Variants in CILK1 observed in about 807,000 individuals in gnomAD.
The protein encoded by CILK1 is ciliogenesis associated kinase 1.
In CILK1, 47 loss-of-function variants were observed where a neutral mutation model predicts 79.2. The observed-to-expected ratio is 0.59, with a 90% CI of 0.47 to 0.76. The LOEUF (loss-of-function observed/expected upper bound fraction) is 0.76, where lower values mean the gene tolerates loss of function less well. CILK1 is among the 30% of genes least tolerant of loss of function. The pLI is 0.00. For missense variants in CILK1, 660 were observed against 769.5 expected (o/e 0.86, Z 1.68); for synonymous variants, 266 against 275.9 (o/e 0.96, Z 0.36).
At chr6:53,060,617 CTT>C (rs1175665069) in intron 1 of CILK1, among the ~76,000 whole-genome samples, 1 of 152,218 alleles carries the variant, frequency 6.6e-6, no homozygotes, top group Admixed American at 6.5e-5. Context: ...CTTAAAGAGT[CTT>C]TACCAAATTG....
At chr6:53,007,694 C>T (rs1297027103) in intron 12 of CILK1, among the ~76,000 whole-genome samples, 20 of 151,968 alleles carry the variant, frequency 1.3e-4, no homozygotes, top group South Asian at 4.1e-4. Flanking sequence ...CAATGGGAGA[C>T]CCAGGCGGGT....
chr6:53,038,085 T>A (rs914075549), intron 2 of CILK1, 92 bp from the exon 3 acceptor site: 1 of 819,472 alleles, frequency 1.2e-6, no homozygotes, highest in Non-Finnish European at 2.1e-6. Flanking sequence ...TGATCCTAAT[T>A]AACAGTACTT....
chr6:53,018,599 A>T lies in CILK1; in HGVS notation c.492-98T>A, dbSNP rs1765034663. The T allele has an allele frequency of 3.3e-6, 4 of 1,203,358 alleles. No individual in the cohort carries two copies. The Admixed American group carries it at 8.1e-5, about 25-fold the overall frequency. The allele number at this position is 1,203,358 out of a possible 1,614,324, so 74.5% of individuals were successfully genotyped here. On this transcript the variant is annotated intron_variant, in intron 6 of 13. Transcript: ENST00000676107. ...TCAGTGAGGGGGTGTATATGTTCCT[A>T]TTTTCTCTCTAGTTCACTGTGGTGT...
At chr6:53,055,448 T>A (rs1191566154) in intron 1 of CILK1, among the ~76,000 whole-genome samples, 1 of 152,234 alleles carries the variant, frequency 6.6e-6, no homozygotes, top group Non-Finnish European at 1.5e-5. Context: ...TTTTTCTGCA[T>A]AAGGAATAGC....
rs1448352618 is a variant in CILK1, at chr6:53,037,412, C to T, written c.156+527G>A. ...AAAGAAGGACCTCAGCAAGGAGGAA[C>T]GGATGAGGAATCTTGTAAGGTGCCT... On this transcript the variant is annotated intron_variant, in intron 3 of 13. Transcript: ENST00000676107. 3.1e-5 allele frequency among the ~76,000 whole-genome samples: 4 copies of T among 130,006 alleles called. 1 individual carries two copies. The highest frequency in any genetic ancestry group is 5.4e-4 in the South Asian group (2 of 3,732). 85.3% of individuals were successfully genotyped at this position (130,006 alleles called of 152,430 possible).
chr6:53,019,473 C>T, intron 5 of CILK1, 114 bp from the exon 6 acceptor site: 1 of 1,175,236 alleles, frequency 8.5e-7, no homozygotes, highest in Non-Finnish European at 1.2e-6. Context: ...TCTGGCATGG[C>T]ACCAAAGGCT....
intron 5 of CILK1, among the ~76,000 whole-genome samples, chr6:53,025,956 G>T (rs1765544044): frequency 6.6e-6 from 1 of 152,074 alleles, no homozygotes; most frequent in Admixed American, 6.5e-5. Flanking sequence ...CTTATGAGCG[G>T]CAATGCCACA....
intron 5 of CILK1, among the ~76,000 whole-genome samples, chr6:53,027,890 G>A (rs1765677528): frequency 1.3e-5 from 2 of 152,186 alleles, no homozygotes; most frequent in Middle Eastern, 3.4e-3. Flanking sequence ...GCTCATGCCT[G>A]TAATCCCAGC....
chr6:53,035,105 C>G (rs1766235207), intron 3 of CILK1, among the ~76,000 whole-genome samples: 1 of 152,140 alleles, frequency 6.6e-6, no homozygotes, highest in Admixed American at 6.5e-5. Context: ...TCTGGTGAAT[C>G]TGCTGCCTTA....
chr6:53,036,236 T>G (rs545932785), intron 3 of CILK1, among the ~76,000 whole-genome samples: 9 of 152,354 alleles, frequency 5.9e-5, no homozygotes, highest in African/African-American at 2.2e-4. Context: ...GAACTTCATG[T>G]CACAGAGAAA....
rs61047818 is a variant in CILK1, at chr6:53,041,453, T to C, written c.-172-45A>G. The stretch of plus-strand genomic sequence containing the variant: ...ACAAGGATAAATGTTAATATACATT[T>C]TGAGTATACGTGTTTTTGTAAGTCT... On this transcript the variant is annotated intron_variant, in intron 1 of 13. Transcript: ENST00000676107. 6.0e-4 allele frequency: 319 copies of C among 527,770 alleles called. 1 individual carries two copies. The highest frequency in any genetic ancestry group is 5.6e-3 in the African/African-American group (291 of 52,376). 32.7% of individuals were successfully genotyped at this position (527,770 alleles called of 1,614,324 possible). A position where few individuals can be genotyped will look rare whatever the true frequency, so the allele number is the denominator to read the frequency against.
At chr6:53,051,465 C>T (rs1013423156) in intron 1 of CILK1, among the ~76,000 whole-genome samples, 2 of 152,124 alleles carry the variant, frequency 1.3e-5, no homozygotes, top group Non-Finnish European at 2.9e-5. Flanking sequence ...AGAGGGAATC[C>T]ATTCTTTGTC....
At chr6:53,045,519 TTA>T (rs1173622646) in intron 1 of CILK1, among the ~76,000 whole-genome samples, 1 of 152,218 alleles carries the variant, frequency 6.6e-6, no homozygotes, top group East Asian at 1.9e-4. Flanking sequence ...CAACACTTTA[TTA>T]TAAAATGGGC....
At chr6:53,059,119 G>A (rs889165768) in intron 1 of CILK1, among the ~76,000 whole-genome samples, 3 of 152,104 alleles carry the variant, frequency 2.0e-5, no homozygotes, top group African/African-American at 7.2e-5. Flanking sequence ...TCAGGAATTG[G>A]ACTCTGTTAA....
intron 1 of CILK1, among the ~76,000 whole-genome samples, chr6:53,058,192 TGAG>T (rs1020871583): frequency 1.3e-5 from 2 of 152,144 alleles, no homozygotes; most frequent in Admixed American, 1.3e-4. Context: ...TAAAACCTGT[TGAG>T]TAGTAGTTTT....
chr6:53,049,777 A>G (rs558439365), intron 1 of CILK1, among the ~76,000 whole-genome samples: 24 of 152,186 alleles, frequency 1.6e-4, no homozygotes, highest in Admixed American at 1.2e-3. Flanking sequence ...TCCCAGCTGG[A>G]GTGCAGCTGT....
chr6:53,058,946 T>C (rs1245641664), intron 1 of CILK1, among the ~76,000 whole-genome samples: 5 of 150,788 alleles, frequency 3.3e-5, no homozygotes, highest in Admixed American at 1.3e-4. Flanking sequence ...TAAGCAGTAG[T>C]GTTCCTGGCA....
chr6:53,007,190 C>T (rs886883222), intron 12 of CILK1, among the ~76,000 whole-genome samples: 1 of 152,170 alleles, frequency 6.6e-6, no homozygotes, highest in Non-Finnish European at 1.5e-5. Context: ...AATGGAAATT[C>T]TAACCATTAA....
chr6:53,049,197 T>A (rs1268188285), intron 1 of CILK1, among the ~76,000 whole-genome samples: 1 of 152,246 alleles, frequency 6.6e-6, no homozygotes, highest in Non-Finnish European at 1.5e-5. Flanking sequence ...TGTTAATCTA[T>A]CCACTACAGC....
Sources: allele counts gnomAD v4.1 joint callset (sites outside exome capture counted in the v4.1 genomes callset), GRCh38; gene constraint gnomAD v4.1.1; transcripts MANE v1.5; gene names NCBI Gene and HGNC (gene_info 2026-07-23, HGNC 2026-07-21).